The following CUX2 variants were observed in gnomAD, a reference collection of about 807,000 sequenced individuals.
The protein encoded by CUX2 is cut like homeobox 2, also known as homeobox protein cut-like 2.
CUX2 carries 40 observed loss-of-function variants against 144.8 expected under a neutral mutation model. The observed-to-expected ratio is 0.28, with a 90% CI of 0.21 to 0.36. The LOEUF (loss-of-function observed/expected upper bound fraction) is 0.36. Among genes scored for constraint, CUX2 ranks in the 10% least tolerant of loss-of-function variants. CUX2 has a pLI of 1.00. For synonymous variants in CUX2, 827 were observed against 875.6 expected (o/e 0.94, Z 0.98); for missense variants, 1,615 against 1,994.0 (o/e 0.81, Z 3.62).
intron 3 of CUX2, among the ~76,000 whole-genome samples, chr12:111,236,435 A>G (rs1029881714): frequency 6.6e-5 from 10 of 152,216 alleles, no homozygotes; most frequent in Non-Finnish European, 1.3e-4. Flanking sequence ...TGTAGAGATG[A>G]GTGACTGAGG....
At chr12:111,046,080 C>T (rs768407523) in intron 1 of CUX2, among the ~76,000 whole-genome samples, 22 of 152,214 alleles carry the variant, frequency 1.4e-4, no homozygotes, top group Non-Finnish European at 2.6e-4. Flanking sequence ...GGTGCAGGAA[C>T]CCCCACCACA....
chr12:111,100,046 C>G, intron 1 of CUX2: 1 of 456,792 alleles, frequency 2.2e-6, no homozygotes, highest in Non-Finnish European at 4.4e-6. Flanking sequence ...GACGGGCCCT[C>G]GGAGCGGGGC....
Position 111,263,900 on chromosome 12 carries a change from G to A in CUX2, c.301+61G>A, listed in dbSNP as rs1884255683. 4 of 1,471,450 alleles carry A rather than the reference G, an allele frequency of 2.7e-6. No individual in the cohort carries two copies. Among genetic ancestry groups the A allele is most frequent in the Non-Finnish European group, 3.8e-6 (4 of 1,050,544 alleles). The allele number at this position is 1,471,450 out of a possible 1,614,324, so 91.1% of individuals were successfully genotyped here. ...ACGACAATAAATAGCCATTAGGACT[G>A]TGACACAGGGACTTTGAGGTGGGAT... On this transcript the variant is annotated intron_variant, in intron 4 of 21. Transcript: ENST00000261726. This position sits in a 1 kb window ranked among gnomAD's most constrained non-coding sequence, Gnocchi z 4.0.
Position 111,255,163 on chromosome 12 carries a change from G to A in CUX2, c.223-8598G>A. ...TAATCAGTCTTTAGAACCAGCTAGT[G>A]CTGGCTCCTGAAACAGGCTAGGATG... On this transcript the variant is annotated intron_variant, in intron 3 of 21. Transcript: ENST00000261726. The surrounding 1 kb of genome is among the most constrained non-coding windows in gnomAD (Gnocchi z 4.1). 6.6e-6 allele frequency among the ~76,000 whole-genome samples: 1 copy of A among 152,148 alleles called. No homozygotes were observed. The highest frequency in any genetic ancestry group is 1.9e-4 in the East Asian group (1 of 5,176).
intron 1 of CUX2, among the ~76,000 whole-genome samples, chr12:111,130,070 C>T (rs1432794182): frequency 6.6e-6 from 1 of 152,172 alleles, no homozygotes; most frequent in Non-Finnish European, 1.5e-5. Context: ...ACTTCCTTTT[C>T]CTCAGTGCAC....
At chr12:111,121,369 C>CTTTTTTTTTTTTTTTTTTTTTTTT (rs5800920) in intron 1 of CUX2, among the ~76,000 whole-genome samples, 9 of 59,048 alleles carry the variant, frequency 1.5e-4, no homozygotes, top group Non-Finnish European at 2.3e-4. Context: ...TTTCTTTTTT[C>CTTTTTTTTTTTTTTTTTTTTTTTT]TTTTTTTTTT....
At chr12:111,139,644 T>C (rs763277536) in intron 1 of CUX2, among the ~76,000 whole-genome samples, 3 of 152,200 alleles carry the variant, frequency 2.0e-5, no homozygotes, top group Non-Finnish European at 4.4e-5. Context: ...CTTTGTATCA[T>C]GAACACCTGA....
At chr12:111,325,597 T>G (rs1887738383) in intron 18 of CUX2, among the ~76,000 whole-genome samples, 1 of 150,530 alleles carries the variant, frequency 6.6e-6, no homozygotes, top group Non-Finnish European at 1.5e-5. Flanking sequence ...GGGAAAAGAC[T>G]TCCATCCTTT....
At chr12:111,244,324 C>G (rs977360360) in intron 3 of CUX2, among the ~76,000 whole-genome samples, 24 of 152,292 alleles carry the variant, frequency 1.6e-4, no homozygotes, top group Admixed American at 5.9e-4. Flanking sequence ...GGGACCTCAC[C>G]CCTAGTGGGG....
rs577551486 is a variant in CUX2 at position 111,186,594 on chromosome 12, C to T, written c.64-27606C>T. On this transcript the variant is annotated intron_variant, in intron 1 of 21. Coordinates refer to ENST00000261726, the MANE Select transcript of CUX2 (RefSeq NM_015267.4). The surrounding 1 kb of genome is among the most constrained non-coding windows in gnomAD (Gnocchi z 4.4). ...AAGGGCGACTCTGTGGCGTGAGGCT[C>T]GCAGCTGCACAGAGGCAGGGTCCCT... Among the ~76,000 whole-genome samples the T allele has an allele frequency of 9.2e-5, 14 of 152,164 alleles. No homozygotes were observed. Among genetic ancestry groups the T allele is most frequent in the Admixed American group, 1.3e-4 (2 of 15,282 alleles).
rs147161135 is a variant in CUX2 at position 111,348,111 on chromosome 12, C to A, written c.4247C>A (p.Ser1416Tyr). The change falls in exon 22 of 22, where the codon TCC (serine) becomes TAC (tyrosine). Residue 1416 changes from serine (S) to tyrosine (Y), a missense_variant. Coordinates refer to ENST00000261726, the MANE Select transcript of CUX2 (RefSeq NM_015267.4). ...LMMSVSPVPS[S>Y]SAPISPSPPG... ...ATGTCTGTGTCACCTGTCCCCTCCT[C>A]CTCAGCTCCCATCTCCCCATCCCCA... is the stretch of plus-strand genomic sequence containing the variant. 6 of 1,614,188 alleles carry A rather than the reference C, an allele frequency of 3.7e-6. No individual in the cohort carries two copies. The Admixed American group carries it at 5.0e-5, about 13-fold the overall frequency.
chr12:111,293,754 C>A lies in CUX2; in HGVS notation c.560+185C>A, dbSNP rs1885819788. Among the ~76,000 whole-genome samples the A allele has an allele frequency of 6.6e-6, 1 of 152,204 alleles. No individual in the cohort carries two copies. The highest frequency in any genetic ancestry group is 1.5e-5 in the Non-Finnish European group (1 of 68,034). On this transcript the variant is annotated intron_variant, in intron 6 of 21. Coordinates refer to ENST00000261726, the MANE Select transcript of CUX2 (RefSeq NM_015267.4). The surrounding 1 kb of genome is among the most constrained non-coding windows in gnomAD (Gnocchi z 4.5). ...CTGGGTTCAAGTTCCACTGCAGGAACTCAGTGGCCAGCCCTGGGCAAGTCA... is the reference window on the plus strand; with the variant it reads ...CTGGGTTCAAGTTCCACTGCAGGAAATCAGTGGCCAGCCCTGGGCAAGTCA...
At position 111,263,467 on chromosome 12, in the gene CUX2, A is replaced by ATGGTGGCAGGCACCTGTAG. The variant is rs1884229514; in HGVS notation, c.223-289_223-271dup. Reference sequence around the variant, plus strand: ...AAAAGTACAAAAAAATTAGCTGGGCATGGTGGCAGGCACCTGTAGTGGTAG... The same window carrying ATGGTGGCAGGCACCTGTAG: ...AAAAGTACAAAAAAATTAGCTGGGCATGGTGGCAGGCACCTGTAGTGGTGGCAGGCACCTGTAGTGGTAG... On this transcript the variant is annotated intron_variant, in intron 3 of 21. Transcript: ENST00000261726. The surrounding 1 kb of genome is among the most constrained non-coding windows in gnomAD (Gnocchi z 4.0). Among the ~76,000 whole-genome samples, 3 of 152,168 alleles carry ATGGTGGCAGGCACCTGTAG rather than the reference A, an allele frequency of 2.0e-5. No homozygotes were observed. The highest frequency in any genetic ancestry group is 4.4e-5 in the Non-Finnish European group (3 of 68,030).
chr12:111,081,730 G>T lies in CUX2; in HGVS notation c.63+47490G>T, dbSNP rs369045986. On this transcript the variant is annotated intron_variant, in intron 1 of 21. Coordinates refer to ENST00000261726, the MANE Select transcript of CUX2 (RefSeq NM_015267.4). ...TGGATGCAGCGGGAATTGGTGCTGT[G>T]GTGGTGACCAGCCACTGTCCACTGT... is the stretch of plus-strand genomic sequence containing the variant. 5.3e-5 allele frequency among the ~76,000 whole-genome samples: 8 copies of T among 152,328 alleles called. 1 individual carries two copies. In the South Asian group the frequency reaches 1.7e-3, roughly 32 times the overall value.
chr12:111,266,038 G>A (rs1048502494), intron 4 of CUX2, among the ~76,000 whole-genome samples: 1 of 152,202 alleles, frequency 6.6e-6, no homozygotes, highest in South Asian at 2.1e-4. Context: ...GTTGGATAGT[G>A]TGGCCTCCAA....
intron 18 of CUX2, among the ~76,000 whole-genome samples, chr12:111,323,794 C>A (rs774107787): frequency 2.0e-5 from 3 of 152,134 alleles, no homozygotes; most frequent in Non-Finnish European, 4.4e-5. Context: ...CAGTGGCTCA[C>A]GCCTGTAATC....
At chr12:111,099,013 G>A (rs996173888) in intron 1 of CUX2, among the ~76,000 whole-genome samples, 5 of 152,226 alleles carry the variant, frequency 3.3e-5, no homozygotes, top group Admixed American at 2.0e-4. Context: ...GGAGGCCTCT[G>A]GAGTAAGGAT....
At chr12:111,098,594 G>A (rs754599739) in intron 1 of CUX2, among the ~76,000 whole-genome samples, 4 of 152,162 alleles carry the variant, frequency 2.6e-5, no homozygotes, top group Non-Finnish European at 5.9e-5. Flanking sequence ...ACATCTTGAC[G>A]CTCGGGGACT....
chr12:111,147,891 AAGG>A (rs1876797809), intron 1 of CUX2, among the ~76,000 whole-genome samples: 1 of 152,204 alleles, frequency 6.6e-6, no homozygotes, highest in African/African-American at 2.4e-5. Context: ...CTGACTTGTC[AAGG>A]AGGTTTCCCA....
Sources: allele counts gnomAD v4.1 joint callset (sites outside exome capture counted in the v4.1 genomes callset), GRCh38; gene constraint gnomAD v4.1.1; non-coding constraint Gnocchi (gnomAD v3.1); transcripts MANE v1.5; gene names NCBI Gene and HGNC (gene_info 2026-07-23, HGNC 2026-07-21).